PALD1: variants seen among roughly 807,000 people sequenced by gnomAD.
PALD1 encodes the protein phosphatase domain containing paladin 1.
A neutral mutation model predicts 96.0 loss-of-function variants in PALD1; 57 were observed. That is an observed-to-expected ratio of 0.59 (90% CI 0.48 to 0.74). The LOEUF (loss-of-function observed/expected upper bound fraction) is 0.74. Ranked by LOEUF, PALD1 falls within the 30% of genes least tolerant of loss-of-function variation. The pLI is 0.00. For missense variants in PALD1, 1,063 were observed against 1,143.7 expected, an observed-to-expected ratio of 0.93 and a Z score of 1.02; for synonymous variants, 464 against 473.6, an observed-to-expected ratio of 0.98 and a Z score of 0.26.
the PALD1 span, among the ~76,000 whole-genome samples, chr10:70,458,689 G>A: frequency 6.6e-6 from 1 of 152,200 alleles, no homozygotes; most frequent in African/African-American, 2.4e-5. Flanking sequence ...AGACAGAGAC[G>A]CTCCGGCGCG....
Position 70,566,794 on chromosome 10 carries a change from T to C in PALD1, c.*61T>C. 8.3e-7 allele frequency: 1 copy of C among 1,207,328 alleles called. No individual in the cohort carries two copies. Among genetic ancestry groups the C allele is most frequent in the South Asian group, 1.4e-5 (1 of 71,338 alleles). 74.8% of individuals were successfully genotyped at this position (1,207,328 alleles called of 1,614,324 possible). On this transcript the variant is annotated 3_prime_UTR_variant, in exon 20 of 20. Coordinates refer to ENST00000263563, the MANE Select transcript of PALD1 (RefSeq NM_014431.3). ...CCACGCAGGCCTGGGGTGTCTGAGGTGCTCTTGGCTGGGAGCGGCCCTGAG... is the reference window on the plus strand; with the variant it reads ...CCACGCAGGCCTGGGGTGTCTGAGGCGCTCTTGGCTGGGAGCGGCCCTGAG...
Position 70,526,179 on chromosome 10 carries a change from A to T in PALD1, c.185+43A>T, listed in dbSNP as rs370901892. ...TGTGCCCATGTCCCTGGGAGACATG[A>T]TGGGCGGGGGGACCTGCTTGGGGGT... On this transcript the variant is annotated intron_variant, in intron 2 of 19. Transcript: ENST00000263563. 37 of 1,551,422 alleles carry T rather than the reference A, an allele frequency of 2.4e-5. 1 individual carries two copies. In the African/African-American group the frequency reaches 4.5e-4, roughly 19 times the overall value.
At chr10:70,509,792 T>G (rs1846475047) in intron 1 of PALD1, among the ~76,000 whole-genome samples, 1 of 151,994 alleles carries the variant, frequency 6.6e-6, no homozygotes, top group Non-Finnish European at 1.5e-5. Context: ...GGGCACAGGT[T>G]GGGTCTGGGG....
chr10:70,533,085 G>C lies in PALD1; in HGVS notation c.870+15G>C. On this transcript the variant is annotated intron_variant, in intron 7 of 19. Transcript: ENST00000263563. ...GTGTTCTCCGGGTAACTGGGGCACG[G>C]GCGCGCATGGGGGAGGAGTCTTGAG... is the stretch of plus-strand genomic sequence containing the variant. 6.4e-7 allele frequency: 1 copy of C among 1,562,924 alleles called. No individual in the cohort carries two copies. Among genetic ancestry groups the C allele is most frequent in the Non-Finnish European group, 8.7e-7 (1 of 1,152,264 alleles).
At chr10:70,556,278 A>ACCTCCCTCTCTCCCTC (rs766158877) in intron 18 of PALD1, among the ~76,000 whole-genome samples, 1 of 40,116 alleles carries the variant, frequency 2.5e-5, no homozygotes, top group African/African-American at 1.7e-4. Context: ...AGTAGCCGAG[A>ACCTCCCTCTCTCCCTC]CCTCTCTCTC....
chr10:70,491,972 C>G (rs886537908), intron 1 of PALD1, among the ~76,000 whole-genome samples: 6 of 152,300 alleles, frequency 3.9e-5, no homozygotes, highest in Admixed American at 3.9e-4. Flanking sequence ...ATAGGCCGCA[C>G]TTTGTTTATT....
Position 70,533,022 on chromosome 10 carries a change from AG to A in PALD1, c.825del (p.Ser276ValfsTer82). On this transcript the variant is annotated frameshift_variant, in exon 7 of 20. Coordinates refer to ENST00000263563, the MANE Select transcript of PALD1 (RefSeq NM_014431.3). LOFTEE classifies it high-confidence loss of function. ...ACCACCGCCTGCCCCTGCCCGAGCA[AG>A]GGAGTCCCCTGGAGGCCCAGTTGGA... ...RYHRLPLPEQ[G>X]SPLEAQLDAF... 6.3e-7 allele frequency: 1 copy of A among 1,586,990 alleles called. No homozygotes were observed. Among genetic ancestry groups the A allele is most frequent in the Non-Finnish European group, 8.6e-7 (1 of 1,166,364 alleles).
intron 19 of PALD1, among the ~76,000 whole-genome samples, chr10:70,565,687 G>A (rs573654498): frequency 6.6e-6 from 1 of 152,318 alleles, no homozygotes; most frequent in Admixed American, 6.5e-5. Flanking sequence ...TGTGATGTGT[G>A]TTGAGTCGGG....
chr10:70,470,351 A>C, the PALD1 span, among the ~76,000 whole-genome samples: 6 of 152,026 alleles, frequency 3.9e-5, no homozygotes, highest in African/African-American at 1.2e-4. Context: ...TAATTATTAG[A>C]ATGTCAGAAA....
chr10:70,466,243 T>A, the PALD1 span, among the ~76,000 whole-genome samples: 1 of 152,102 alleles, frequency 6.6e-6, no homozygotes, highest in African/African-American at 2.4e-5. Flanking sequence ...TTTGCCATTT[T>A]AACCTTTTTT....
chr10:70,502,573 G>A (rs918864463), intron 1 of PALD1, among the ~76,000 whole-genome samples: 2 of 152,148 alleles, frequency 1.3e-5, no homozygotes, highest in African/African-American at 4.8e-5. Flanking sequence ...GGTTGAAGTG[G>A]AATGTATCAT....
At chr10:70,536,004 T>C (rs996698328) in intron 10 of PALD1, among the ~76,000 whole-genome samples, 1 of 152,226 alleles carries the variant, frequency 6.6e-6, no homozygotes, top group Admixed American at 6.5e-5. Flanking sequence ...GCACGGTGGC[T>C]CACACCTGTA....
chr10:70,485,059 A>C (rs909427424), intron 1 of PALD1, among the ~76,000 whole-genome samples: 23 of 152,208 alleles, frequency 1.5e-4, no homozygotes, highest in African/African-American at 5.1e-4. Flanking sequence ...TTTTCATGTG[A>C]AATTCATGAA....
At chr10:70,543,409 T>C (rs1258408797) in intron 17 of PALD1, among the ~76,000 whole-genome samples, 1 of 152,232 alleles carries the variant, frequency 6.6e-6, no homozygotes, top group Non-Finnish European at 1.5e-5. Flanking sequence ...GTTTTTTCTT[T>C]TGTTGCCTGT....
At chr10:70,504,061 C>T (rs575616690) in intron 1 of PALD1, among the ~76,000 whole-genome samples, 1 of 152,342 alleles carries the variant, frequency 6.6e-6, no homozygotes, top group East Asian at 1.9e-4. Context: ...TCAGTGTCTG[C>T]ACCTGCAAAA....
chr10:70,539,459 G>A lies in PALD1; in HGVS notation c.1726-121G>A. 1 of 1,058,828 alleles carries A rather than the reference G, an allele frequency of 9.4e-7. No individual in the cohort carries two copies. Among genetic ancestry groups the A allele is most frequent in the Non-Finnish European group, 1.3e-6 (1 of 751,984 alleles). 65.6% of individuals were successfully genotyped at this position (1,058,828 alleles called of 1,614,324 possible). The stretch of plus-strand genomic sequence containing the variant: ...GGGGTGGCTGTGACCCCTGAGGCTT[G>A]GGGGGGTCAGGGATGGGACTGGAAG... On this transcript the variant is annotated intron_variant, in intron 14 of 19. Coordinates refer to ENST00000263563, the MANE Select transcript of PALD1 (RefSeq NM_014431.3). This position sits in a 1 kb window ranked among gnomAD's most constrained non-coding sequence, Gnocchi z 4.5.
the PALD1 span, among the ~76,000 whole-genome samples, chr10:70,466,174 C>G: frequency 6.6e-6 from 1 of 152,138 alleles, no homozygotes; most frequent in Non-Finnish European, 1.5e-5. Flanking sequence ...CAATTATTTT[C>G]TCACATTCAG....
chr10:70,508,795 G>A (rs1564690462), intron 1 of PALD1, among the ~76,000 whole-genome samples: 3 of 92,104 alleles, frequency 3.3e-5, no homozygotes, highest in African/African-American at 6.0e-5. Flanking sequence ...GTGTGTGTGT[G>A]TGTGTGTGTG....
At chr10:70,513,105 C>T (rs1426649871) in intron 1 of PALD1, among the ~76,000 whole-genome samples, 1 of 152,250 alleles carries the variant, frequency 6.6e-6, no homozygotes, top group Non-Finnish European at 1.5e-5. Flanking sequence ...CCATGGAGCA[C>T]TTCTCATAAG....
Sources: allele counts gnomAD v4.1 joint callset (sites outside exome capture counted in the v4.1 genomes callset), GRCh38; gene constraint gnomAD v4.1.1; non-coding constraint Gnocchi (gnomAD v3.1); transcripts MANE v1.5; gene names NCBI Gene and HGNC (gene_info 2026-07-23, HGNC 2026-07-21).